Variants in PRUNE2 observed in about 807,000 individuals in gnomAD.
PRUNE2 encodes the protein protein prune homolog 2.
PRUNE2 carries 164 observed loss-of-function variants against 252.0 expected under a neutral mutation model. That is an observed-to-expected ratio of 0.65 (90% CI 0.57 to 0.74). The LOEUF is 0.74. Among genes scored for constraint, PRUNE2 ranks in the 30% least tolerant of loss-of-function variants. The pLI is 0.00. For missense variants in PRUNE2, 3,495 were observed against 3,711.0 expected (o/e 0.94, Z 1.51); for synonymous variants, 1,292 against 1,350.2 (o/e 0.96, Z 0.94).
intron 3 of PRUNE2, among the ~76,000 whole-genome samples, chr9:76,847,760 A>C (rs2059747585): frequency 6.6e-6 from 1 of 152,292 alleles, no homozygotes; most frequent in African/African-American, 2.4e-5. Context: ...TGAAAGAAAT[A>C]AAGATTTCTA....
intron 9 of PRUNE2, among the ~76,000 whole-genome samples, chr9:76,694,448 G>T (rs561864602): frequency 6.6e-6 from 1 of 152,180 alleles, no homozygotes; most frequent in Non-Finnish European, 1.5e-5. Context: ...CTCCCAAAGC[G>T]CTGGGATTAC....
chr9:76,795,628 G>A (rs2056024856), intron 6 of PRUNE2, among the ~76,000 whole-genome samples: 2 of 152,138 alleles, frequency 1.3e-5, no homozygotes, highest in Admixed American at 1.3e-4. Flanking sequence ...GCCTAAAAGG[G>A]GAAAGAGGGG....
At position 76,614,227 on chromosome 9, in the gene PRUNE2, CA is replaced by C. The variant is rs1828363316; in HGVS notation, c.*342del. The C allele has an allele frequency of 3.6e-6, 1 of 281,590 alleles. No homozygotes were observed. The highest frequency in any genetic ancestry group is 2.3e-5 in the African/African-American group (1 of 44,270). 17.4% of individuals were successfully genotyped at this position (281,590 alleles called of 1,614,324 possible). ...GCTAATCTATGGAAACAAATCCACT[CA>C]TACTTAACAGTGGATTAAAGGTATC... On this transcript the variant is annotated 3_prime_UTR_variant, in exon 19 of 19. Transcript: ENST00000376718.
chr9:76,647,734 G>A (rs911768933), intron 11 of PRUNE2, among the ~76,000 whole-genome samples: 1 of 152,162 alleles, frequency 6.6e-6, no homozygotes, highest in Non-Finnish European at 1.5e-5. Flanking sequence ...GGAGGCTGAG[G>A]TGGGTGGATC....
At chr9:76,781,574 A>G (rs10869815) in intron 6 of PRUNE2, among the ~76,000 whole-genome samples, 48,945 of 152,060 alleles carry the variant, frequency 0.32, 8,326 homozygotes, top group African/African-American at 0.43. Context: ...CTAATGTAAA[A>G]TAGGTTATAT....
chr9:76,749,782 G>A (rs1295034213), intron 6 of PRUNE2, among the ~76,000 whole-genome samples: 1 of 152,214 alleles, frequency 6.6e-6, no homozygotes, highest in Non-Finnish European at 1.5e-5. Flanking sequence ...AACTGGAAAT[G>A]TATGGAGAGC....
chr9:76,901,103 A>G (rs1157564406), intron 1 of PRUNE2, among the ~76,000 whole-genome samples: 1 of 152,122 alleles, frequency 6.6e-6, no homozygotes, highest in Non-Finnish European at 1.5e-5. Flanking sequence ...CGACAGACTG[A>G]TCCACTTGAA....
intron 1 of PRUNE2, among the ~76,000 whole-genome samples, chr9:76,905,128 TTA>T (rs1486770924): frequency 6.6e-6 from 1 of 152,210 alleles, no homozygotes; most frequent in East Asian, 1.9e-4. Flanking sequence ...AACATTTCCA[TTA>T]TGTTTATTAC....
Position 76,708,477 on chromosome 9 carries a change from T to C in PRUNE2, c.3797A>G (p.Asp1266Gly). ...ACTGGTTCCAGAGGCTGCTGGCGCA[T>C]CTGGGGAATGAGTGTCTTTAACATT... ...SANVKDTHSP[D>G]APAASGTSES... Residue 1266 changes from aspartate (D) to glycine (G), a missense_variant, in exon 8 of 19, where the codon GAT becomes GGT. By Grantham distance (94) the Asp-to-Gly change is moderately conservative (BLOSUM62 -1). Coordinates refer to ENST00000376718, the MANE Select transcript of PRUNE2 (RefSeq NM_015225.3). 7 of 1,613,922 alleles carry C rather than the reference T, an allele frequency of 4.3e-6. No individual in the cohort carries two copies. The highest frequency in any genetic ancestry group is 5.9e-6 in the Non-Finnish European group (7 of 1,179,882).
chr9:76,771,784 C>T (rs1412096866), intron 6 of PRUNE2, among the ~76,000 whole-genome samples: 2 of 152,088 alleles, frequency 1.3e-5, no homozygotes, highest in Admixed American at 6.6e-5. Flanking sequence ...AATTATTTCC[C>T]AGAGGGAGAG....
chr9:76,695,326 G>T (rs1296330604), intron 9 of PRUNE2, among the ~76,000 whole-genome samples: 1 of 152,182 alleles, frequency 6.6e-6, no homozygotes, highest in South Asian at 2.1e-4. Context: ...GCATAAGCCA[G>T]CGCGCCCAGC....
chr9:76,710,575 C>G lies in PRUNE2; in HGVS notation c.1699G>C (p.Asp567His). The change falls in exon 8 of 19, where the codon GAT (aspartate) becomes CAT (histidine). Residue 567 changes from aspartate (D) to histidine (H), a missense_variant. Transcript: ENST00000376718. ...GAGKDSLVEH[D>H]EEFVQRQDSP... ...TCTTGTCTCTGGACAAACTCCTCAT[C>G]ATGTTCCACAAGGCTATCTTTGCCA... The G allele has an allele frequency of 6.2e-7, 1 of 1,613,854 alleles. No homozygotes were observed. The highest frequency in any genetic ancestry group is 8.5e-7 in the Non-Finnish European group (1 of 1,179,804).
At chr9:76,775,981 G>A (rs915570157) in intron 6 of PRUNE2, among the ~76,000 whole-genome samples, 1 of 151,898 alleles carries the variant, frequency 6.6e-6, no homozygotes, top group Non-Finnish European at 1.5e-5. Flanking sequence ...GCATTTTCTG[G>A]TGTGAGATTT....
intron 6 of PRUNE2, among the ~76,000 whole-genome samples, chr9:76,751,921 C>A (rs573442251): frequency 6.6e-6 from 1 of 152,266 alleles, no homozygotes; most frequent in Non-Finnish European, 1.5e-5. Flanking sequence ...AAAGCCATGA[C>A]ATCATTTAGG....
intron 6 of PRUNE2, among the ~76,000 whole-genome samples, chr9:76,735,435 T>G (rs1289323835): frequency 6.8e-6 from 1 of 148,082 alleles, no homozygotes; most frequent in Non-Finnish European, 1.5e-5. Context: ...TTTTTTTTTT[T>G]TTTATGCCAG....
intron 1 of PRUNE2, among the ~76,000 whole-genome samples, chr9:76,900,510 A>G (rs1182201321): frequency 8.5e-5 from 13 of 152,160 alleles, no homozygotes; most frequent in Admixed American, 8.5e-4. Flanking sequence ...GAGACCCCTA[A>G]CAGGGTAGCC....
chr9:76,887,195 T>G (rs1298267418), intron 1 of PRUNE2, among the ~76,000 whole-genome samples: 1 of 152,132 alleles, frequency 6.6e-6, no homozygotes, highest in Non-Finnish European at 1.5e-5. Flanking sequence ...AACTCCTAAC[T>G]TGGGACATAG....
intron 6 of PRUNE2, among the ~76,000 whole-genome samples, chr9:76,752,112 T>TG (rs2050675025): frequency 6.6e-6 from 1 of 151,756 alleles, no homozygotes; most frequent in Non-Finnish European, 1.5e-5. Flanking sequence ...TTTTTTTTTT[T>TG]TTTGAGACGG....
chr9:76,837,253 C>T (rs919306443), intron 4 of PRUNE2, among the ~76,000 whole-genome samples: 6 of 151,996 alleles, frequency 3.9e-5, no homozygotes, highest in South Asian at 4.1e-4. Context: ...ACCATCCTGG[C>T]CAACATGGTG....
Sources: allele counts gnomAD v4.1 joint callset (sites outside exome capture counted in the v4.1 genomes callset), GRCh38; gene constraint gnomAD v4.1.1; transcripts MANE v1.5; gene names NCBI Gene and HGNC (gene_info 2026-07-23, HGNC 2026-07-21).